The following IL17RC variants were observed in gnomAD, a reference collection of about 807,000 sequenced individuals.
IL17RC encodes the protein interleukin 17 receptor C, also known as interleukin-17 receptor C.
In IL17RC, 53 loss-of-function variants were observed where a neutral mutation model predicts 86.7. The ratio of observed to expected loss-of-function variants is 0.61; its 90% CI spans 0.49 to 0.77. The LOEUF (loss-of-function observed/expected upper bound fraction) is 0.77, where lower values mean the gene tolerates loss of function less well. IL17RC is among the 30% of genes least tolerant of loss of function. IL17RC has a pLI of 0.00. For synonymous variants in IL17RC, 439 were observed against 413.1 expected (o/e 1.06, Z -0.76); for missense variants, 957 against 940.0 (o/e 1.02, Z -0.24).
intron 12 of IL17RC, chr3:9,929,591 G>A (rs990789903): frequency 3.7e-6 from 2 of 534,596 alleles, no homozygotes; most frequent in Non-Finnish European, 6.7e-6. Context: ...GAGAAGGTTA[G>A]ATGAGAGGGG....
At chr3:9,931,450 A>T (rs1371989283) in intron 16 of IL17RC, among the ~76,000 whole-genome samples, 1 of 55,410 alleles carries the variant, frequency 1.8e-5, no homozygotes, top group Non-Finnish European at 3.4e-5. Context: ...ATTTTTATAT[A>T]TTTCACACAC....
chr3:9,928,714 T>C (rs2084353088), intron 12 of IL17RC, 84 bp downstream of exon 12: 1 of 1,421,910 alleles, frequency 7.0e-7, no homozygotes, highest in Non-Finnish European at 9.8e-7. Flanking sequence ...CTTGGGCCGC[T>C]AAAGCATAGT....
intron 16 of IL17RC, among the ~76,000 whole-genome samples, chr3:9,931,462 CACACACACAT>C (rs1422268010): frequency 1.5e-5 from 2 of 130,390 alleles, no homozygotes; most frequent in African/African-American, 7.5e-5. Flanking sequence ...TTCACACACA[CACACACACAT>C]ATATATATAT....
At position 9,920,529 on chromosome 3, in the gene IL17RC, G is replaced by A. The variant is rs375981545; in HGVS notation, c.504G>A (p.Gly168=). The A allele has an allele frequency of 3.1e-6, 5 of 1,607,506 alleles. No homozygotes were observed. In the African/African-American group the frequency reaches 6.7e-5, roughly 21 times the overall value. ...ATGACTGCTTCGAGGCTGCCCTAGGGAGTGAGGTACGAATCTGGTCCTATA... is the reference window on the plus strand; with the variant it reads ...ATGACTGCTTCGAGGCTGCCCTAGGAAGTGAGGTACGAATCTGGTCCTATA... ...VVYDCFEAAL[G]SEVRIWSYTQ... is the part of the protein sequence containing the mutation. The change falls in exon 6 of 19, where the codon GGG becomes GGA. Residue 168 remains glycine (G), a synonymous_variant. Coordinates refer to ENST00000403601, the MANE Select transcript of IL17RC (RefSeq NM_153460.4).
chr3:9,917,205 G>T lies in IL17RC; in HGVS notation c.-111G>T, dbSNP rs1297338657. ...CCCTCCGCCCCCTCTGGAGGCTGAA[G>T]AGGGATTCCAGCCCCTGCCACCCAC... is the stretch of plus-strand genomic sequence containing the variant. On this transcript the variant is annotated 5_prime_UTR_variant, in exon 1 of 19. Transcript: ENST00000403601. The T allele has an allele frequency of 3.8e-6, 3 of 797,896 alleles. No homozygotes were observed. Among genetic ancestry groups the T allele is most frequent in the Non-Finnish European group, 6.0e-6 (3 of 503,670 alleles). 49.4% of individuals were successfully genotyped at this position (797,896 alleles called of 1,614,324 possible).
At chr3:9,924,061 C>T (rs13097123) in intron 8 of IL17RC, 41 bp downstream of exon 8, 96,312 of 1,611,724 alleles carry the variant, frequency 0.06, 3,374 homozygotes, top group Non-Finnish European at 0.072. Context: ...CACTGTAGGC[C>T]GATGCCTGTG....
At position 9,933,318 on chromosome 3, in the gene IL17RC, G is replaced by A. The variant is rs2084972352; in HGVS notation, c.1888G>A (p.Val630Met). 6.2e-7 allele frequency: 1 copy of A among 1,607,588 alleles called. No individual in the cohort carries two copies. The highest frequency in any genetic ancestry group is 8.5e-7 in the Non-Finnish European group (1 of 1,177,204). ...FLQGRAPGSY[V>M]GACFDRLLHP... Reference sequence around the variant, plus strand: ...GCAGGGCCGGGCGCCCGGCAGCTACGTGGGGGCCTGCTTCGACAGGCTGCT... The same window carrying A: ...GCAGGGCCGGGCGCCCGGCAGCTACATGGGGGCCTGCTTCGACAGGCTGCT... Residue 630 changes from valine (V) to methionine (M), a missense_variant, in exon 19 of 19, where the codon GTG becomes ATG. Val to Met is a conservative substitution (Grantham distance 21). Coordinates refer to ENST00000403601, the MANE Select transcript of IL17RC (RefSeq NM_153460.4).
rs1559321208 is a variant in IL17RC at position 9,931,472 on chromosome 3, T to TATATATATATAC, written c.1387+540_1387+541insCATATATATATA. On this transcript the variant is annotated intron_variant, in intron 16 of 18. Transcript: ENST00000403601. ...TATATTTCACACACACACACACACA[T>TATATATATATAC]ATATATATATATATATATATATATA... Among the ~76,000 whole-genome samples the TATATATATATAC allele has an allele frequency of 4.8e-3, 39 of 8,076 alleles. 1 individual carries two copies. Among genetic ancestry groups the TATATATATATAC allele is most frequent in the African/African-American group, 6.8e-3 (38 of 5,614 alleles). 5.3% of individuals were successfully genotyped at this position (8,076 alleles called of 152,430 possible).
rs1484684423 is a variant in IL17RC at position 9,930,056 on chromosome 3, G to A, written c.1185G>A (p.Val395=). The A allele has an allele frequency of 1.2e-6, 2 of 1,613,984 alleles. No homozygotes were observed. Among genetic ancestry groups the A allele is most frequent in the Non-Finnish European group, 1.7e-6 (2 of 1,180,018 alleles). ...CCCTGGGGCCTCTCAAAGACGATGT[G>A]CTACTGTTGGAGACACGAGGCCCCC... ...ADSLGPLKDD[V]LLLETRGPQD... is the part of the protein sequence containing the mutation. The change falls in exon 14 of 19, where the codon GTG becomes GTA. Residue 395 remains valine, a synonymous_variant. Transcript: ENST00000403601. This position sits in a 1 kb window ranked among gnomAD's most constrained non-coding sequence, Gnocchi z 5.8.
Position 9,918,575 on chromosome 3 carries a change from T to G in IL17RC, c.431T>G (p.Val144Gly), listed in dbSNP as rs770141821. The G allele has an allele frequency of 1.2e-5, 19 of 1,614,070 alleles. No homozygotes were observed. The South Asian group carries it at 1.9e-4, about 16-fold the overall frequency. Reference sequence around the variant, plus strand: ...CGCTGCGTCCTGCTGGAGGTGCAAGTGCCTGCTGCCCTTGTGCAGTTTGGT... The same window carrying G: ...CGCTGCGTCCTGCTGGAGGTGCAAGGGCCTGCTGCCCTTGTGCAGTTTGGT... ...TARCVLLEVQ[V>G]PAALVQFGQS... Residue 144 changes from valine (V) to glycine (G), a missense_variant, in exon 5 of 19, where the codon GTG becomes GGG. Physicochemically the swap from Val to Gly is moderately radical, Grantham distance 109. Coordinates refer to ENST00000403601, the MANE Select transcript of IL17RC (RefSeq NM_153460.4).
Position 9,928,693 on chromosome 3 carries a change from G to T in IL17RC, c.1110+63G>T. The stretch of plus-strand genomic sequence containing the variant: ...ACCTGGGCAGACCCCCCAGCCAAGG[G>T]GGTCTTAGTTCTTGGGCCGCTAAAG... On this transcript the variant is annotated intron_variant, in intron 12 of 18. Transcript: ENST00000403601. 5 of 1,549,804 alleles carry T rather than the reference G, an allele frequency of 3.2e-6. No homozygotes were observed. The South Asian group carries it at 5.6e-5, about 17-fold the overall frequency.
Position 9,930,769 on chromosome 3 carries a change from G to A in IL17RC, c.1339-126G>A, listed in dbSNP as rs2084576863. ...GGCACAGCACAAAGGCAGAGCAGCT[G>A]CAGGAACCTTAGCCGGGAGATATGC... On this transcript the variant is annotated intron_variant, in intron 15 of 18. Transcript: ENST00000403601. This position sits in a 1 kb window ranked among gnomAD's most constrained non-coding sequence, Gnocchi z 5.8. The A allele has an allele frequency of 1.1e-6, 1 of 869,980 alleles. No individual in the cohort carries two copies. Among genetic ancestry groups the A allele is most frequent in the East Asian group, 2.4e-5 (1 of 41,510 alleles). The allele number at this position is 869,980 out of a possible 1,614,324, so 53.9% of individuals were successfully genotyped here. A position where few individuals can be genotyped will look rare whatever the true frequency, so the allele number is the denominator to read the frequency against.
In IL17RC at chr3:9,926,094, C is replaced by T. The variant is rs199792890; in HGVS notation, c.822+1803C>T. ...TTTTGCCCAGGATGGAGTGCAGTGG[C>T]GTGATCTCGGCTCACTGCAACTTCC... is the stretch of plus-strand genomic sequence containing the variant. On this transcript the variant is annotated intron_variant, in intron 9 of 18. Transcript: ENST00000403601. 1.5e-4 allele frequency among the ~76,000 whole-genome samples: 21 copies of T among 142,582 alleles called. No homozygotes were observed. The East Asian group carries it at 3.9e-3, about 27-fold the overall frequency. 93.5% of individuals were successfully genotyped at this position (142,582 alleles called of 152,430 possible).
At chr3:9,920,827 G>A in intron 6 of IL17RC, 98 bp from the exon 7 acceptor site, 1 of 915,994 alleles carries the variant, frequency 1.1e-6, no homozygotes, top group Non-Finnish European at 1.7e-6. Context: ...TGTAGGGGAT[G>A]GGGAGCCATT....
At chr3:9,924,184 C>T in intron 8 of IL17RC, 48 bp from the exon 9 acceptor site, 2 of 1,612,518 alleles carry the variant, frequency 1.2e-6, no homozygotes, top group Non-Finnish European at 1.7e-6. Context: ...TGGCCTCCTC[C>T]TCTTCCTCCT....
chr3:9,930,346 T>C lies in IL17RC; in HGVS notation c.1279-54T>C. 6.3e-7 allele frequency: 1 copy of C among 1,599,952 alleles called. No individual in the cohort carries two copies. Among genetic ancestry groups the C allele is most frequent in the African/African-American group, 1.3e-5 (1 of 74,792 alleles). Reference sequence around the variant, plus strand: ...TACCCAGCTGTAGCCTGGTAGGTGCTGCCCTAAGGGTGCTACCTCCAGGTA... The same window carrying C: ...TACCCAGCTGTAGCCTGGTAGGTGCCGCCCTAAGGGTGCTACCTCCAGGTA... On this transcript the variant is annotated intron_variant, in intron 14 of 18. Transcript: ENST00000403601. This position sits in a 1 kb window ranked among gnomAD's most constrained non-coding sequence, Gnocchi z 5.8.
In IL17RC at chr3:9,930,234, C is replaced by A; in HGVS notation, c.1278+85C>A. On this transcript the variant is annotated intron_variant, in intron 14 of 18. Coordinates refer to ENST00000403601, the MANE Select transcript of IL17RC (RefSeq NM_153460.4). This position sits in a 1 kb window ranked among gnomAD's most constrained non-coding sequence, Gnocchi z 5.8. ...AAATTTTCACTCCATCCACCCTGTGCCGGTCTCTGGGAACATGGGGGGTGA... is the reference window on the plus strand; with the variant it reads ...AAATTTTCACTCCATCCACCCTGTGACGGTCTCTGGGAACATGGGGGGTGA... The A allele has an allele frequency of 6.3e-7, 1 of 1,578,252 alleles. No individual in the cohort carries two copies. Among genetic ancestry groups the A allele is most frequent in the Non-Finnish European group, 8.7e-7 (1 of 1,154,212 alleles).
chr3:9,921,067 A>C, intron 7 of IL17RC, 98 bp downstream of exon 7: 1 of 665,110 alleles, frequency 1.5e-6, no homozygotes, highest in Non-Finnish European at 2.6e-6. Flanking sequence ...ACCACATCTC[A>C]GAAGCTCACA....
Position 9,923,984 on chromosome 3 carries a change from C to G in IL17RC, c.726C>G (p.Val242=), listed in dbSNP as rs370268173. Reference sequence around the variant, plus strand: ...GCCTCTCCCTGTACTGGAATCAGGTCCAGGGCCCCCCAAAACCCCGGTGGC... The same window carrying G: ...GCCTCTCCCTGTACTGGAATCAGGTGCAGGGCCCCCCAAAACCCCGGTGGC... ...HFGLSLYWNQ[V]QGPPKPRWHK... Residue 242 remains valine, a synonymous_variant, in exon 8 of 19, where the codon GTC becomes GTG. Coordinates refer to ENST00000403601, the MANE Select transcript of IL17RC (RefSeq NM_153460.4). 6.8e-6 allele frequency: 11 copies of G among 1,613,992 alleles called. No individual in the cohort carries two copies. Among genetic ancestry groups the G allele is most frequent in the Non-Finnish European group, 9.3e-6 (11 of 1,180,050 alleles).
Sources: allele counts gnomAD v4.1 joint callset (sites outside exome capture counted in the v4.1 genomes callset), GRCh38; gene constraint gnomAD v4.1.1; non-coding constraint Gnocchi (gnomAD v3.1); transcripts MANE v1.5; gene names NCBI Gene and HGNC (gene_info 2026-07-23, HGNC 2026-07-21).